Variants in ZNF320 observed in about 807,000 individuals in gnomAD.
The protein encoded by ZNF320 is zinc finger protein 320.
A neutral mutation model predicts 6.8 loss-of-function variants in ZNF320; 2 were observed. The observed-to-expected ratio is 0.29, with a 90% CI of 0.12 to 0.93. The LOEUF (loss-of-function observed/expected upper bound fraction) is 0.93, where lower values mean the gene tolerates loss of function less well. Among genes scored for constraint, ZNF320 ranks in the 40% least tolerant of loss-of-function variants. The pLI, the probability that ZNF320 is intolerant of heterozygous loss-of-function variation, is 0.55. For missense variants in ZNF320, 472 were observed against 611.0 expected, an observed-to-expected ratio of 0.77 and a Z score of 2.40; for synonymous variants, 208 against 203.2, an observed-to-expected ratio of 1.02 and a Z score of -0.20.
intron 1 of ZNF320, among the ~76,000 whole-genome samples, chr19:52,895,980 AATGTAT>A (rs1434341551): frequency 1.3e-5 from 2 of 152,194 alleles, no homozygotes; most frequent in Admixed American, 1.3e-4. Flanking sequence ...TACATCTAAA[AATGTAT>A]ATATCTAATA....
rs2063807548 is a variant in ZNF320, at chr19:52,878,028, A to G, written c.*2568T>C. ...TAACAGATCCAGAGAAAAAAAATACATTCTCAATAAAACATGTCCAACTCT... is the reference window on the plus strand; with the variant it reads ...TAACAGATCCAGAGAAAAAAAATACGTTCTCAATAAAACATGTCCAACTCT... On this transcript the variant is annotated 3_prime_UTR_variant, in exon 6 of 6. Transcript: ENST00000682928. The G allele has an allele frequency of 6.4e-6, 1 of 155,956 alleles. No homozygotes were observed. Among genetic ancestry groups the G allele is most frequent in the Non-Finnish European group, 1.4e-5 (1 of 69,664 alleles). 9.7% of individuals were successfully genotyped at this position (155,956 alleles called of 1,614,324 possible).
At chr19:52,863,793 G>T (rs974192271) in exon 6 of ZNF320, 1 of 187,974 alleles carries the variant, frequency 5.3e-6, no homozygotes, top group African/African-American at 2.4e-5. Context: ...CAGCACTTTA[G>T]AGGCCGAGGC....
chr19:52,891,078 A>G (rs2064274267), intron 3 of ZNF320, among the ~76,000 whole-genome samples, 151 bp downstream of exon 3: 1 of 152,018 alleles, frequency 6.6e-6, no homozygotes, highest in Non-Finnish European at 1.5e-5. Context: ...GAACCTGGGA[A>G]GTGGAGGTTG....
intron 5 of ZNF320, among the ~76,000 whole-genome samples, chr19:52,868,719 T>C (rs2063625115): frequency 6.6e-6 from 1 of 151,240 alleles, no homozygotes; most frequent in African/African-American, 2.4e-5. Flanking sequence ...TCACAAAAAA[T>C]GCTGCAAGGA....
At chr19:52,869,548 T>G (rs2063641873) in intron 5 of ZNF320, among the ~76,000 whole-genome samples, 1 of 152,058 alleles carries the variant, frequency 6.6e-6, no homozygotes, top group Non-Finnish European at 1.5e-5. Context: ...GTTTTTTTTC[T>G]TTTTTTGAGA....
chr19:52,884,929 T>C (rs2064029243), intron 5 of ZNF320, among the ~76,000 whole-genome samples: 1 of 152,060 alleles, frequency 6.6e-6, no homozygotes, highest in Admixed American at 6.6e-5. Flanking sequence ...CCTTGAGACA[T>C]GTAGGGCATG....
Position 52,862,893 on chromosome 19 carries a change from G to T in ZNF320, c.*1136C>A. On this transcript the variant is annotated 3_prime_UTR_variant, in exon 6 of 6. Coordinates refer to the ZNF320 transcript ENST00000673631. ...AACAAAATTACAACAAATTAGCTGG[G>T]TATGGTGGATTCCGCCTGTAGTCTC... 1.4e-5 allele frequency: 4 copies of T among 286,992 alleles called. No individual in the cohort carries two copies. In the South Asian group the frequency reaches 1.4e-4, roughly 10 times the overall value. The allele number at this position is 286,992 out of a possible 1,614,324, so 17.8% of individuals were successfully genotyped here. A position where few individuals can be genotyped will look rare whatever the true frequency, so the allele number is the denominator to read the frequency against.
At chr19:52,892,719 T>A (rs1376784580) in intron 2 of ZNF320, among the ~76,000 whole-genome samples, 18 of 151,938 alleles carry the variant, frequency 1.2e-4, no homozygotes, top group East Asian at 3.9e-4. Context: ...GTGCATCCTC[T>A]GCTCTCCCTG....
chr19:52,872,590 C>T (rs1299054533), downstream of ZNF320, among the ~76,000 whole-genome samples: 1 of 152,166 alleles, frequency 6.6e-6, no homozygotes, highest in Non-Finnish European at 1.5e-5. Context: ...AAACCTCCGC[C>T]TCCCGGGTTC....
Position 52,880,635 on chromosome 19 carries a change from G to T in ZNF320, c.1491C>A (p.Phe497Leu). 1 of 1,612,890 alleles carries T rather than the reference G, an allele frequency of 6.2e-7. No individual in the cohort carries two copies. The highest frequency in any genetic ancestry group is 8.5e-7 in the Non-Finnish European group (1 of 1,179,388). The change falls in exon 6 of 6, where the codon TTC (phenylalanine) becomes TTA (leucine). Residue 497 changes from phenylalanine (F) to leucine (L), a missense_variant. Around this residue, in one of 2 missense-constraint regions of ZNF320, gnomAD observed 462 missense variants for 559.7 expected, o/e 0.83. Coordinates refer to ENST00000682928, the MANE Select transcript of ZNF320 (RefSeq NM_001351774.2). ...HQKIPFGDNC[F>L]KCNEYSKPSS... ...ATGGTTTGCTATACTCATTGCACTT[G>T]AAACAATTGTCTCCAAAAGGAATTT... is the stretch of plus-strand genomic sequence containing the variant.
In ZNF320 at chr19:52,877,715, T is replaced by C. The variant is rs2063800962; in HGVS notation, c.*2881A>G. ...AGGTTTGTCTGACGCAGTTCCCAGA[T>C]TGACTTTTCTCTTTGGCTTAGTAAT... On this transcript the variant is annotated 3_prime_UTR_variant, in exon 6 of 6. Transcript: ENST00000682928. The C allele has an allele frequency of 2.0e-5, 3 of 152,368 alleles. 1 individual carries two copies. Among genetic ancestry groups the C allele is most frequent in the Middle Eastern group, 6.8e-3 (2 of 294 alleles). 9.4% of individuals were successfully genotyped at this position (152,368 alleles called of 1,614,324 possible). A position where few individuals can be genotyped will look rare whatever the true frequency, so the allele number is the denominator to read the frequency against.
downstream of ZNF320, among the ~76,000 whole-genome samples, chr19:52,872,843 G>C (rs182069359): frequency 1.4e-4 from 22 of 152,288 alleles, no homozygotes; most frequent in African/African-American, 5.3e-4. Flanking sequence ...ATCTTGGTGA[G>C]GGGAATGTAG....
intron 1 of ZNF320, among the ~76,000 whole-genome samples, chr19:52,894,599 C>A (rs754973086): frequency 2.8e-4 from 43 of 152,226 alleles, no homozygotes; most frequent in Non-Finnish European, 5.0e-4. Context: ...AGAGGCCAGG[C>A]GCGGTGGCTC....
rs1210876210 is a variant in ZNF320 at position 52,879,525 on chromosome 19, T to C, written c.*1071A>G. 1 of 154,224 alleles carries C rather than the reference T, an allele frequency of 6.5e-6. No homozygotes were observed. Among genetic ancestry groups the C allele is most frequent in the East Asian group, 1.9e-4 (1 of 5,314 alleles). The allele number at this position is 154,224 out of a possible 1,614,324, so 9.6% of individuals were successfully genotyped here. On this transcript the variant is annotated 3_prime_UTR_variant, in exon 6 of 6. Coordinates refer to ENST00000682928, the MANE Select transcript of ZNF320 (RefSeq NM_001351774.2). ...GTCAGGGAAAATGGAATGCTTTTCC[T>C]GTAGGATCTCACATGATGCAAGAAT...
chr19:52,886,270 G>A (rs1023969425), intron 5 of ZNF320, among the ~76,000 whole-genome samples: 1 of 152,068 alleles, frequency 6.6e-6, no homozygotes, highest in African/African-American at 2.4e-5. Flanking sequence ...GAGTAGCTGG[G>A]ATTACAGCTG....
chr19:52,888,283 G>A (rs2064162602), intron 4 of ZNF320, 30 bp from the exon 5 acceptor site: 1 of 832,464 alleles, frequency 1.2e-6, no homozygotes, highest in East Asian at 2.5e-5. Flanking sequence ...TAAGCAAATG[G>A]TTATGGGAGG....
In ZNF320 at chr19:52,880,680, T is replaced by A; in HGVS notation, c.1446A>T (p.Ser482=). The stretch of plus-strand genomic sequence containing the variant: ...GAATTTTCTGATGTTCTGCAAGGAG[T>A]GACCTCAGACTAAAGACCTTGCCAC... The part of the protein sequence containing the change: ...HQCGKVFSLR[S]LLAEHQKIPF... Residue 482 remains serine (S), a synonymous_variant, in exon 6 of 6, where the codon TCA becomes TCT. Transcript: ENST00000682928. 1 of 1,613,940 alleles carries A rather than the reference T, an allele frequency of 6.2e-7. No individual in the cohort carries two copies. The highest frequency in any genetic ancestry group is 8.5e-7 in the Non-Finnish European group (1 of 1,179,860).
At chr19:52,886,977 A>AGAAGGCAGGAAGGAAGGAAGGAAG (rs2064103495) in intron 5 of ZNF320, among the ~76,000 whole-genome samples, 1 of 123,152 alleles carries the variant, frequency 8.1e-6, no homozygotes, top group Non-Finnish European at 1.7e-5. Context: ...AAAGAAAGAA[A>AGAAGGCAGGAAGGAAGGAAGGAAG]GAAGGAAGGA....
chr19:52,861,004 A>AAAACAAACAAAC lies in ZNF320; in HGVS notation c.*3013_*3024dup, dbSNP rs142015174. On this transcript the variant is annotated 3_prime_UTR_variant, in exon 6 of 6. Transcript: ENST00000673631. The stretch of plus-strand genomic sequence containing the variant: ...TGGGCGACAGAGTGAGATTCCGTCA[A>AAAACAAACAAAC]AAACAAACAAACAAACAAACAAACA... Among the ~76,000 whole-genome samples the AAAACAAACAAAC allele has an allele frequency of 9.2e-4, 138 of 150,518 alleles. 1 individual carries two copies. The highest frequency in any genetic ancestry group is 3.2e-3 in the African/African-American group (128 of 40,496).
Sources: gnomAD v4.1 joint callset for allele counts (sites outside exome capture counted in the v4.1 genomes callset) on GRCh38, gnomAD v4.1.1 for gene constraint, gnomAD v4.1.1 regional missense constraint, MANE v1.5 for transcripts, NCBI Gene and HGNC (gene_info 2026-07-23, HGNC 2026-07-21) for gene names.